The following PRRC2B variants were observed in gnomAD, a reference collection of about 807,000 sequenced individuals.
PRRC2B encodes the protein protein PRRC2B.
A neutral mutation model predicts 242.3 loss-of-function variants in PRRC2B; 68 were observed. The observed-to-expected ratio is 0.28, with a 90% CI of 0.23 to 0.34. The LOEUF is 0.34. Among genes scored for constraint, PRRC2B ranks in the 10% least tolerant of loss-of-function variants. The pLI is 1.00. For synonymous variants in PRRC2B, 1,228 were observed against 1,173.6 expected (o/e 1.05, Z -0.95); for missense variants, 2,835 against 2,954.8 (o/e 0.96, Z 0.94).
At position 131,452,901 on chromosome 9, in the gene PRRC2B, AGTT is replaced by A. The variant is rs750580064; in HGVS notation, c.1121-2168_1121-2166del. ...GCCCTTTGAAAAGTATATATTCTAC[AGTT>A]GTTGTTCAGTGTCATGTTTTGTATG... is the stretch of plus-strand genomic sequence containing the variant. On this transcript the variant is annotated intron_variant, in intron 9 of 31. Transcript: ENST00000683519. 8.5e-4 allele frequency among the ~76,000 whole-genome samples: 129 copies of A among 152,350 alleles called. 2 individuals carry two copies. The highest frequency in any genetic ancestry group is 9.0e-4 in the Non-Finnish European group (61 of 68,030).
chr9:131,492,114 GTCCAGCTGTC>G (rs1944212420), intron 29 of PRRC2B, 45 bp from the exon 30 acceptor site: 1 of 1,380,006 alleles, frequency 7.2e-7, no homozygotes, highest in East Asian at 2.3e-5. Flanking sequence ...TAAGTGTGTG[GTCCAGCTGTC>G]TCCAGGGCCT....
In PRRC2B at chr9:131,388,484, C is replaced by T. The variant is rs1041256110; in HGVS notation, c.-56+14753C>T. On this transcript the variant is annotated intron_variant, in intron 1 of 1. Coordinates refer to the PRRC2B transcript ENST00000682525. ...TGAACTCCCAACCTCAGGTGATCCG[C>T]GCACCTCGGACTCCCAAAGTGCTGG... is the stretch of plus-strand genomic sequence containing the variant. Among the ~76,000 whole-genome samples the T allele has an allele frequency of 7.4e-5, 11 of 149,632 alleles. 1 individual carries two copies. The highest frequency in any genetic ancestry group is 2.1e-4 in the South Asian group (1 of 4,716).
chr9:131,479,285 A>T lies in PRRC2B; in HGVS notation c.4792A>T (p.Ile1598Phe). 1 of 1,608,694 alleles carries T rather than the reference A, an allele frequency of 6.2e-7. No individual in the cohort carries two copies. The highest frequency in any genetic ancestry group is 8.5e-7 in the Non-Finnish European group (1 of 1,175,188). ...CAAAGGTCGAGGCCTTTCCTCCCGTATTCCTCCTCGATTTGCAAAAAAGCA... is the reference window on the plus strand; with the variant it reads ...CAAAGGTCGAGGCCTTTCCTCCCGTTTTCCTCCTCGATTTGCAAAAAAGCA... ...PVKGRGLSSR[I>F]PPRFAKKQNN... The change falls in exon 19 of 32, where the codon ATT becomes TTT. Residue 1598 changes from isoleucine (I) to phenylalanine (F), a missense_variant. By Grantham distance (21) the Ile-to-Phe change is conservative. Transcript: ENST00000683519.
intron 1 of PRRC2B, among the ~76,000 whole-genome samples, chr9:131,397,164 G>A (rs554429014): frequency 2.6e-5 from 4 of 152,268 alleles, no homozygotes; most frequent in Non-Finnish European, 5.9e-5. Context: ...CTGTTAACTG[G>A]TTAGTTAGGC....
At chr9:131,480,840 G>T (rs2131459004) in intron 19 of PRRC2B, among the ~76,000 whole-genome samples, 1 of 152,146 alleles carries the variant, frequency 6.6e-6, no homozygotes, top group East Asian at 1.9e-4. Context: ...AAAATTTTTA[G>T]TAATACCCGC....
chr9:131,427,832 A>G (rs1838015186), intron 1 of PRRC2B, among the ~76,000 whole-genome samples: 2 of 152,216 alleles, frequency 1.3e-5, no homozygotes, highest in Admixed American at 1.3e-4. Context: ...GTCATTGAGG[A>G]CATGTTAAAC....
Position 131,478,504 on chromosome 9 carries a change from C to T in PRRC2B, c.4643C>T (p.Pro1548Leu), listed in dbSNP as rs765815571. ...ATCATTGAAAATTGCGGGTCCAGCC[C>T]CGGGGAGGAGAGTGAGGTGGGTTCT... ...SAIIENCGSS[P>L]GEESEVGSMV... The change falls in exon 18 of 32, where the codon CCC (proline) becomes CTC (leucine). Residue 1548 changes from proline to leucine, a missense_variant. Coordinates refer to ENST00000683519, the MANE Select transcript of PRRC2B (RefSeq NM_013318.4). The T allele has an allele frequency of 6.2e-7, 1 of 1,613,590 alleles. No homozygotes were observed. Among genetic ancestry groups the T allele is most frequent in the South Asian group, 1.1e-5 (1 of 91,044 alleles).
intron 2 of PRRC2B, among the ~76,000 whole-genome samples, chr9:131,431,347 G>A (rs1419606893): frequency 8.6e-5 from 13 of 151,622 alleles, no homozygotes; most frequent in Non-Finnish European, 1.9e-4. Context: ...AGCCAGATCG[G>A]TCTTGATCTC....
intron 1 of PRRC2B, among the ~76,000 whole-genome samples, chr9:131,427,086 G>A (rs1363943780): frequency 6.6e-6 from 1 of 152,110 alleles, no homozygotes; most frequent in Non-Finnish European, 1.5e-5. Context: ...CTTATCCCTC[G>A]GCATCCATCT....
intron 1 of PRRC2B, among the ~76,000 whole-genome samples, chr9:131,413,377 C>T (rs549452367): frequency 1.3e-5 from 2 of 152,348 alleles, no homozygotes; most frequent in Non-Finnish European, 2.9e-5. Flanking sequence ...GTAAATGACC[C>T]TGTCTCCTTT....
At chr9:131,462,622 G>A (rs1943272456) in intron 11 of PRRC2B, among the ~76,000 whole-genome samples, 1 of 151,338 alleles carries the variant, frequency 6.6e-6, no homozygotes, top group African/African-American at 2.4e-5. Context: ...GGTGGATCAC[G>A]AGGTCAGAAG....
At chr9:131,385,440 T>A (rs1836814281) in intron 1 of PRRC2B, among the ~76,000 whole-genome samples, 1 of 150,116 alleles carries the variant, frequency 6.7e-6, no homozygotes, top group Non-Finnish European at 1.5e-5. Flanking sequence ...AGACAGCAGC[T>A]GCCACAGCTG....
intron 2 of PRRC2B, among the ~76,000 whole-genome samples, chr9:131,431,132 TTTTG>T (rs1262640587): frequency 1.3e-5 from 2 of 151,406 alleles, no homozygotes; most frequent in Non-Finnish European, 2.9e-5. Context: ...GCTTTTTGTT[TTTTG>T]TTTTTCTTTT....
chr9:131,443,136 A>ATT (rs1838663380), intron 5 of PRRC2B, among the ~76,000 whole-genome samples: 17 of 83,676 alleles, frequency 2.0e-4, no homozygotes, highest in Admixed American at 1.7e-3. Flanking sequence ...ATTTTATTTT[A>ATT]TTATTTTTTT....
chr9:131,407,080 A>AG (rs1306465880), intron 1 of PRRC2B, among the ~76,000 whole-genome samples: 1 of 152,204 alleles, frequency 6.6e-6, no homozygotes, highest in Admixed American at 6.5e-5. Flanking sequence ...CAGCTTTTTG[A>AG]GGGGAGAAAA....
upstream of PRRC2B, among the ~76,000 whole-genome samples, chr9:131,390,077 G>A (rs1017608878): frequency 2.0e-5 from 3 of 149,530 alleles, no homozygotes; most frequent in African/African-American, 4.9e-5. Flanking sequence ...ACCACGCCTG[G>A]CTAGTTTTTG....
At chr9:131,463,151 CAAAGTG>C (rs1176582831) in intron 11 of PRRC2B, among the ~76,000 whole-genome samples, 2 of 152,008 alleles carry the variant, frequency 1.3e-5, no homozygotes, top group Non-Finnish European at 2.9e-5. Context: ...GGTTCGATGG[CAAAGTG>C]AAAGGAAACT....
rs1278123296 is a variant in PRRC2B at position 131,403,401 on chromosome 9, G to A, written c.-52+9138G>A. Among the ~76,000 whole-genome samples the A allele has an allele frequency of 2.6e-5, 4 of 152,036 alleles. 1 individual carries two copies. In the South Asian group the frequency reaches 8.3e-4, roughly 32 times the overall value. On this transcript the variant is annotated intron_variant, in intron 1 of 31. Coordinates refer to ENST00000683519, the MANE Select transcript of PRRC2B (RefSeq NM_013318.4). ...GAGTCTTGCTCTGTTGCCCAGGCCGGAGTGCAGTGGCATGATCTCGGCTCA... is the reference window on the plus strand; with the variant it reads ...GAGTCTTGCTCTGTTGCCCAGGCCGAAGTGCAGTGGCATGATCTCGGCTCA...
Position 131,485,007 on chromosome 9 carries a change from A to G in PRRC2B, c.5625A>G (p.Pro1875=). The change falls in exon 25 of 32, where the codon CCA becomes CCG. Residue 1875 remains proline (P), a synonymous_variant. Transcript: ENST00000683519. ...CCAGTTTGCCGGAGCAGAGCTCTCC[A>G]GGCGGCGCTGGCTCAGGCATCCAGC... ...NSPSLPEQSS[P]GGAGSGIQPP... 1 of 1,613,372 alleles carries G rather than the reference A, an allele frequency of 6.2e-7. No homozygotes were observed. The highest frequency in any genetic ancestry group is 1.1e-5 in the South Asian group (1 of 90,886).
Sources: allele counts gnomAD v4.1 joint callset (sites outside exome capture counted in the v4.1 genomes callset), GRCh38; gene constraint gnomAD v4.1.1; transcripts MANE v1.5; gene names NCBI Gene and HGNC (gene_info 2026-07-23, HGNC 2026-07-21).